TIMD4: variants seen among roughly 807,000 people sequenced by gnomAD.
The protein encoded by TIMD4 is T-cell immunoglobulin and mucin domain-containing protein 4.
Under a neutral mutation model 41.2 loss-of-function variants are expected in TIMD4, and 31 were observed. The ratio of observed to expected loss-of-function variants is 0.75; its 90% CI spans 0.57 to 1.01. TIMD4 has a LOEUF of 1.01. Ranked by LOEUF, TIMD4 falls within the 50% of genes least tolerant of loss-of-function variation. The pLI is 0.00. For missense variants in TIMD4, 479 were observed against 472.5 expected, an observed-to-expected ratio of 1.01 and a Z score of -0.13; for synonymous variants, 204 against 177.1, an observed-to-expected ratio of 1.15 and a Z score of -1.21.
intron 2 of TIMD4, 79 bp from the exon 3 acceptor site, chr5:156,951,869 A>C: frequency 2.5e-6 from 4 of 1,576,430 alleles, no homozygotes; most frequent in Non-Finnish European, 3.5e-6. Flanking sequence ...TCTGGGACCC[A>C]TCCATTTCTG....
chr5:156,938,677 G>T (rs1185846003), intron 5 of TIMD4, among the ~76,000 whole-genome samples: 1 of 152,128 alleles, frequency 6.6e-6, no homozygotes, highest in African/African-American at 2.4e-5. Flanking sequence ...TCGTTCAGCA[G>T]CTCCTTCCTT....
chr5:156,955,546 C>T (rs528455358), intron 1 of TIMD4, among the ~76,000 whole-genome samples: 3 of 152,194 alleles, frequency 2.0e-5, no homozygotes, highest in African/African-American at 7.2e-5. Context: ...GTCCCAGCTA[C>T]TCAGGAGGCT....
At chr5:156,953,457 A>G (rs1038069606) in intron 2 of TIMD4, among the ~76,000 whole-genome samples, 2 of 151,948 alleles carry the variant, frequency 1.3e-5, no homozygotes, top group African/African-American at 4.8e-5. Context: ...GGAGTTCAAG[A>G]CCAGCCTGGC....
chr5:156,962,408 TA>T (rs36062561), intron 1 of TIMD4, among the ~76,000 whole-genome samples: 121,088 of 151,692 alleles, frequency 0.8, 48,852 homozygotes, highest in East Asian at 0.92. Context: ...TGTATCCATT[TA>T]AAAAAAAAAT....
intron 7 of TIMD4, among the ~76,000 whole-genome samples, chr5:156,921,029 C>T (rs1364655855): frequency 6.7e-6 from 1 of 149,822 alleles, no homozygotes; most frequent in Non-Finnish European, 1.5e-5. Context: ...AATTTATCCC[C>T]ATTTTACAAC....
chr5:156,948,383 A>T (rs1759785951), intron 5 of TIMD4, 33 bp downstream of exon 5: 1 of 1,237,512 alleles, frequency 8.1e-7, no homozygotes, highest in Non-Finnish European at 1.0e-6. Flanking sequence ...TTAATAAAGT[A>T]AAATAAAATA....
rs191238930 is a variant in TIMD4, at chr5:156,929,038, T to C, written c.845-2726A>G. ...TGCGTGATACCAAACAGCACTTTTT[T>C]CTTTCTTCTTCTTCTTCTTCTGAAG... On this transcript the variant is annotated intron_variant, in intron 5 of 8. Transcript: ENST00000274532. Among the ~76,000 whole-genome samples, 216 of 152,338 alleles carry C rather than the reference T, an allele frequency of 1.4e-3. 3 individuals are homozygous for C. Among genetic ancestry groups the C allele is most frequent in the Middle Eastern group, 0.01 (3 of 294 alleles).
intron 5 of TIMD4, among the ~76,000 whole-genome samples, chr5:156,945,575 T>C (rs1439394310): frequency 6.6e-6 from 1 of 152,176 alleles, no homozygotes; most frequent in Non-Finnish European, 1.5e-5. Flanking sequence ...CAATTATCAC[T>C]ATGAATGTTT....
rs1339185174 is a variant in TIMD4, at chr5:156,944,528, G to A, written c.844+3888C>T. Among the ~76,000 whole-genome samples, 8 of 133,640 alleles carry A rather than the reference G, an allele frequency of 6.0e-5. No individual in the cohort carries two copies. In the East Asian group the frequency reaches 1.3e-3, roughly 21 times the overall value. 87.7% of individuals were successfully genotyped at this position (133,640 alleles called of 152,430 possible). On this transcript the variant is annotated intron_variant, in intron 5 of 8. Transcript: ENST00000274532. The stretch of plus-strand genomic sequence containing the variant: ...TTTTTTTTTTTTTTTTTTTTGAGAC[G>A]GAGTCTCGTTATTTCCCCCAGGCTG...
intron 5 of TIMD4, among the ~76,000 whole-genome samples, chr5:156,937,382 CAGAG>C (rs147842589): frequency 6.6e-6 from 1 of 151,958 alleles, no homozygotes; most frequent in South Asian, 2.1e-4. Flanking sequence ...GGGCAGAAAA[CAGAG>C]AGAGAGACCA....
intron 5 of TIMD4, among the ~76,000 whole-genome samples, chr5:156,929,722 G>A (rs1361686216): frequency 1.3e-5 from 2 of 152,172 alleles, no homozygotes; most frequent in Non-Finnish European, 2.9e-5. Context: ...AGAACTGAGA[G>A]AGAATGAAAA....
intron 5 of TIMD4, among the ~76,000 whole-genome samples, chr5:156,940,818 C>T (rs148321213): frequency 0.28 from 42,446 of 152,224 alleles, 6,156 homozygotes; most frequent in Admixed American, 0.35. Context: ...GGGAGGTGTA[C>T]CCAACAGCTC....
chr5:156,954,580 T>C lies in TIMD4; in HGVS notation c.235A>G (p.Arg79Gly). 1 of 1,614,268 alleles carries C rather than the reference T, an allele frequency of 6.2e-7. No individual in the cohort carries two copies. The highest frequency in any genetic ancestry group is 8.5e-7 in the Non-Finnish European group (1 of 1,180,044). ...TGAAGTCTATATTTTGCTGACTTTC[T>C]TGAGGTCACCCTCATTCCATCAGTG... The part of the protein sequence containing the change: ...IRTDGMRVTS[R>G]KSAKYRLQGT... Residue 79 changes from arginine (R) to glycine (G), a missense_variant, in exon 2 of 9, where the codon AGA becomes GGA. By Grantham distance (125) the Arg-to-Gly change is moderately radical. Coordinates refer to ENST00000274532, the MANE Select transcript of TIMD4 (RefSeq NM_138379.3).
intron 1 of TIMD4, among the ~76,000 whole-genome samples, chr5:156,957,709 T>G (rs1164057157): frequency 6.6e-6 from 1 of 151,952 alleles, no homozygotes; most frequent in African/African-American, 2.4e-5. Flanking sequence ...ATGCCTACAG[T>G]CCCAGCTACT....
intron 1 of TIMD4, among the ~76,000 whole-genome samples, chr5:156,957,078 G>A (rs984494646): frequency 4.0e-5 from 6 of 151,340 alleles, no homozygotes; most frequent in African/African-American, 1.5e-4. Flanking sequence ...CGCCTAGGCT[G>A]AAGCACAGTG....
At chr5:156,927,873 G>T (rs915270420) in intron 5 of TIMD4, among the ~76,000 whole-genome samples, 1 of 152,030 alleles carries the variant, frequency 6.6e-6, no homozygotes, top group Non-Finnish European at 1.5e-5. Flanking sequence ...GTGACCGTGG[G>T]GCACATGCAA....
chr5:156,961,852 A>AAAAAAAAAAAGG (rs1753067803), intron 1 of TIMD4, among the ~76,000 whole-genome samples: 1 of 149,296 alleles, frequency 6.7e-6, no homozygotes, highest in Non-Finnish European at 1.5e-5. Context: ...AAAAAAAAAA[A>AAAAAAAAAAAGG]GAAAATGTGG....
At chr5:156,955,831 ACTAT>A (rs964886791) in intron 1 of TIMD4, among the ~76,000 whole-genome samples, 74 of 152,252 alleles carry the variant, frequency 4.9e-4, no homozygotes, top group Middle Eastern at 3.4e-3. Context: ...GAGTTCATGG[ACTAT>A]CTATTTATTT....
chr5:156,961,960 A>G (rs1753072642), intron 1 of TIMD4, among the ~76,000 whole-genome samples: 1 of 152,068 alleles, frequency 6.6e-6, no homozygotes, highest in Admixed American at 6.6e-5. Flanking sequence ...TATTGTGTTA[A>G]GTTAAGCTAG....
Sources: gnomAD v4.1 joint callset for allele counts (sites outside exome capture counted in the v4.1 genomes callset) on GRCh38, gnomAD v4.1.1 for gene constraint, MANE v1.5 for transcripts, NCBI Gene and HGNC (gene_info 2026-07-23, HGNC 2026-07-21) for gene names.